The following MYH11 variants were observed in gnomAD, a reference collection of about 807,000 sequenced individuals.
MYH11 encodes myosin heavy chain 11, also known as myosin-11.
MYH11 carries 80 observed loss-of-function variants against 246.6 expected under a neutral mutation model. The observed-to-expected ratio is 0.32, with a 90% confidence interval of 0.27 to 0.39. MYH11 has a LOEUF of 0.39. MYH11 is among the 10% of genes least tolerant of loss of function. The pLI is 1.00. For synonymous variants in MYH11, 1,071 were observed against 1,015.5 expected (o/e 1.05, Z -1.04); for missense variants, 2,158 against 2,546.8 (o/e 0.85, Z 3.29).
chr16:15,782,324 G>C (rs76461486), intron 6 of MYH11, 61 bp downstream of exon 6: 2 of 1,441,518 alleles, frequency 1.4e-6, no homozygotes, highest in East Asian at 4.5e-5. Context: ...ACACTCTGCA[G>C]CCCCAGGCAG....
At chr16:15,783,046 G>A (rs538351421) in intron 5 of MYH11, 24 of 156,792 alleles carry the variant, frequency 1.5e-4, no homozygotes, top group African/African-American at 5.3e-4. Context: ...AGCGGACTGC[G>A]GAATAAAGCT....
intron 3 of MYH11, among the ~76,000 whole-genome samples, chr16:15,800,186 GGAAGGAAGGAAGAAAGGAAA>G (rs1189819174): frequency 6.6e-6 from 1 of 151,812 alleles, no homozygotes; most frequent in Non-Finnish European, 1.5e-5. Context: ...GCAAGTGAGT[GGAAGGAAGGAAGAAAGGAAA>G]GAAGGAAGGA....
chr16:15,845,351 C>T (rs953481219), intron 1 of MYH11, among the ~76,000 whole-genome samples: 1 of 143,270 alleles, frequency 7.0e-6, no homozygotes, highest in Admixed American at 7.2e-5. Flanking sequence ...GTGTATTTTA[C>T]GTGTGGCCCA....
At chr16:15,813,073 A>G (rs1015390587) in intron 3 of MYH11, among the ~76,000 whole-genome samples, 1 of 151,878 alleles carries the variant, frequency 6.6e-6, no homozygotes, top group Non-Finnish European at 1.5e-5. Context: ...AGGCTGAGGC[A>G]GGAGAATCAC....
At position 15,782,442 on chromosome 16, in the gene MYH11, C is replaced by A; in HGVS notation, c.669G>T (p.Pro223=). 6.2e-7 allele frequency: 1 copy of A among 1,614,142 alleles called. No individual in the cohort carries two copies. Among genetic ancestry groups the A allele is most frequent in the Non-Finnish European group, 8.5e-7 (1 of 1,180,026 alleles). ...ELEKQLLQAN[P]ILEAFGNAKT... ...TGGCGTTGCCGAAAGCCTCCAGAAT[C>A]GGGTTTGCTTGTAGAAGCTGCTTTT... The change falls in exon 6 of 41, where the codon CCG becomes CCT. Residue 223 remains proline (P), a synonymous_variant. Coordinates refer to ENST00000300036, the MANE Select transcript of MYH11 (RefSeq NM_002474.3).
At chr16:15,763,741 T>TCCGGGCCCC in intron 10 of MYH11, 55 bp downstream of exon 10, 1 of 646,862 alleles carries the variant, frequency 1.5e-6, no homozygotes. Context: ...AAATGTCACC[T>TCCGGGCCCC]CCCCCACCCC....
chr16:15,807,589 G>A (rs2043042558), intron 3 of MYH11, among the ~76,000 whole-genome samples: 1 of 152,040 alleles, frequency 6.6e-6, no homozygotes, highest in Non-Finnish European at 1.5e-5. Flanking sequence ...AAGTGGGCGG[G>A]GACACAGTAC....
chr16:15,773,194 T>C (rs143469976), intron 8 of MYH11, among the ~76,000 whole-genome samples: 7 of 152,030 alleles, frequency 4.6e-5, no homozygotes, highest in Non-Finnish European at 8.8e-5. Flanking sequence ...TAATAGGCGA[T>C]TTCTGGATAT....
At position 15,854,204 on chromosome 16, in the gene MYH11, C is replaced by T. The variant is rs1200582761; in HGVS notation, c.-18+2737G>A. On this transcript the variant is annotated intron_variant, in intron 1 of 40. Transcript: ENST00000300036. The stretch of plus-strand genomic sequence containing the variant: ...AAATTAAGAGAAGCTTCTCCTTTAA[C>T]GGCCACATAGTTTAGGCTTCCCGGT... Among the ~76,000 whole-genome samples, 7 of 152,246 alleles carry T rather than the reference C, an allele frequency of 4.6e-5. No homozygotes were observed. The East Asian group carries it at 7.7e-4, about 17-fold the overall frequency.
chr16:15,760,065 C>A lies in MYH11; in HGVS notation c.1249-337G>T, dbSNP rs530488214. Among the ~76,000 whole-genome samples the A allele has an allele frequency of 1.1e-4, 17 of 152,204 alleles. No individual in the cohort carries two copies. In the South Asian group the frequency reaches 2.5e-3, roughly 22 times the overall value. On this transcript the variant is annotated intron_variant, in intron 11 of 40. Coordinates refer to ENST00000300036, the MANE Select transcript of MYH11 (RefSeq NM_002474.3). The stretch of plus-strand genomic sequence containing the variant: ...TGAGCTGCGATGGCACCACTGCACC[C>A]CCCCCTGGGCAACAGAGCAAGGCTC...
chr16:15,747,044 C>T (rs1045553561), intron 19 of MYH11, among the ~76,000 whole-genome samples: 1 of 151,616 alleles, frequency 6.6e-6, no homozygotes, highest in Non-Finnish European at 1.5e-5. Context: ...GTTGAGACTG[C>T]GCCACTGCAC....
intron 6 of MYH11, among the ~76,000 whole-genome samples, chr16:15,780,948 G>A (rs1445211543): frequency 6.6e-6 from 1 of 152,210 alleles, no homozygotes; most frequent in Non-Finnish European, 1.5e-5. Flanking sequence ...CATCATCAGT[G>A]CCTGAACTTG....
At position 15,745,845 on chromosome 16, in the gene MYH11, C is replaced by T. The variant is rs946278532; in HGVS notation, c.2412-608G>A. On this transcript the variant is annotated intron_variant, in intron 19 of 40. Transcript: ENST00000300036. ...CAGGTGATCCACCCACCTTGGCCTC[C>T]CAAAGTGCTGGGATTACAGGTAGGA... Among the ~76,000 whole-genome samples the T allele has an allele frequency of 4.6e-5, 7 of 152,206 alleles. No individual in the cohort carries two copies. The South Asian group carries it at 1.5e-3, about 32-fold the overall frequency.
chr16:15,854,237 A>G (rs1350200336), intron 1 of MYH11, among the ~76,000 whole-genome samples: 4 of 152,186 alleles, frequency 2.6e-5, no homozygotes, highest in African/African-American at 9.6e-5. Context: ...GGTTCTGCCA[A>G]AGATGAGCCA....
chr16:15,836,378 T>G (rs1172053013), intron 2 of MYH11, among the ~76,000 whole-genome samples: 1 of 152,052 alleles, frequency 6.6e-6, no homozygotes, highest in Non-Finnish European at 1.5e-5. Flanking sequence ...AGAAATAAAT[T>G]TGTTATTTTT....
At chr16:15,766,343 T>TGG (rs33998193) in intron 9 of MYH11, among the ~76,000 whole-genome samples, 10 of 128,840 alleles carry the variant, frequency 7.8e-5, no homozygotes, top group African/African-American at 3.1e-4. Flanking sequence ...CCATGTTTTT[T>TGG]GGTGTGTGTG....
At position 15,760,668 on chromosome 16, in the gene MYH11, G is replaced by A. The variant is rs777583152; in HGVS notation, c.1130-10C>T. 3 of 1,551,010 alleles carry A rather than the reference G, an allele frequency of 1.9e-6. No individual in the cohort carries two copies. The South Asian group carries it at 3.3e-5, about 17-fold the overall frequency. Reference sequence around the variant, plus strand: ...CAAACTTTCTGAGCAGCTGGATGGAGAAAAGAAACATCGTGAGTGCATCAC... The same window carrying A: ...CAAACTTTCTGAGCAGCTGGATGGAAAAAAGAAACATCGTGAGTGCATCAC... On this transcript the variant is annotated splice_polypyrimidine_tract_variant and intron_variant, in intron 10 of 40. Transcript: ENST00000300036.
rs2041538257 is a variant in MYH11 at position 15,750,465 on chromosome 16, G to C, written c.1865-134C>G. The C allele has an allele frequency of 1.1e-6, 1 of 871,320 alleles. No individual in the cohort carries two copies. 54.0% of individuals were successfully genotyped at this position (871,320 alleles called of 1,614,324 possible). ...TCCATCACCAACGCCTCCTTCGGCA[G>C]TCAGGGTTTCCAAGTATTGTCTATT... On this transcript the variant is annotated intron_variant, in intron 15 of 40. Transcript: ENST00000300036. This position sits in a 1 kb window ranked among gnomAD's most constrained non-coding sequence, Gnocchi z 4.3.
intron 2 of MYH11, among the ~76,000 whole-genome samples, chr16:15,832,424 C>CG (rs2043764800): frequency 6.6e-6 from 1 of 152,148 alleles, no homozygotes; most frequent in Admixed American, 6.5e-5. Flanking sequence ...AGAGGTGCCA[C>CG]GGTCAATGGT....
Sources: gnomAD v4.1 joint callset for allele counts (sites outside exome capture counted in the v4.1 genomes callset) on GRCh38, gnomAD v4.1.1 for gene constraint, Gnocchi (gnomAD v3.1) non-coding constraint, MANE v1.5 for transcripts, NCBI Gene and HGNC (gene_info 2026-07-23, HGNC 2026-07-21) for gene names.